KIF1B: variants seen among roughly 807,000 people sequenced by gnomAD.
The protein encoded by KIF1B is kinesin-like protein KIF1B.
KIF1B carries 76 observed loss-of-function variants against 241.9 expected under a neutral mutation model. That is an observed-to-expected ratio of 0.31 (90% CI 0.26 to 0.38). The LOEUF is 0.38. KIF1B is among the 10% of genes least tolerant of loss of function. The pLI is 1.00. For missense variants in KIF1B, 1,622 were observed against 2,271.4 expected (o/e 0.71, Z 5.81); for synonymous variants, 750 against 796.7 (o/e 0.94, Z 0.99).
Position 10,377,903 on chromosome 1 carries a change from T to C in KIF1B, c.*1316T>C. On this transcript the variant is annotated 3_prime_UTR_variant, in exon 49 of 49. Transcript: ENST00000676179. ...GTGAGCCAAGATCGCGCTATTGCAC[T>C]CCAGCCTGGGTGACAGAGCAAGACT... The C allele has an allele frequency of 5.1e-6, 1 of 197,628 alleles. No individual in the cohort carries two copies. Among genetic ancestry groups the C allele is most frequent in the South Asian group, 1.5e-4 (1 of 6,458 alleles). The allele number at this position is 197,628 out of a possible 1,614,324, so 12.2% of individuals were successfully genotyped here.
At chr1:10,260,755 T>C (rs148684521) in intron 4 of KIF1B, among the ~76,000 whole-genome samples, 2,917 of 151,428 alleles carry the variant, frequency 0.019, 83 homozygotes, top group African/African-American at 0.065. Context: ...TAATCCCAGC[T>C]ACTTGGGAGG....
chr1:10,371,072 TCC>T (rs1376566547), intron 44 of KIF1B, 67 bp from the exon 45 acceptor site: 12 of 1,598,408 alleles, frequency 7.5e-6, no homozygotes, highest in Non-Finnish European at 1.0e-5. Flanking sequence ...TTGTTGAAAC[TCC>T]CTATTGTTAC....
chr1:10,320,005 T>G, intron 22 of KIF1B, 38 bp from the exon 23 acceptor site: 1 of 1,362,902 alleles, frequency 7.3e-7, no homozygotes, highest in Non-Finnish European at 1.0e-6. Context: ...TCTTATTTCT[T>G]CCCTCTCCTA....
chr1:10,308,489 C>T, intron 22 of KIF1B: 1 of 1,034,186 alleles, frequency 9.7e-7, no homozygotes, highest in Non-Finnish European at 1.2e-6. Flanking sequence ...CAAAAAAATG[C>T]TTGAAGATTG....
chr1:10,250,088 G>T (rs1014631170), intron 2 of KIF1B, among the ~76,000 whole-genome samples: 1 of 152,098 alleles, frequency 6.6e-6, no homozygotes, highest in Non-Finnish European at 1.5e-5. Context: ...TGAGATTACA[G>T]GCATGAGCCA....
chr1:10,265,234 TTATTTATTTATTTA>T (rs1648389807), intron 5 of KIF1B, among the ~76,000 whole-genome samples: 1 of 148,694 alleles, frequency 6.7e-6, no homozygotes, highest in Admixed American at 6.7e-5. Flanking sequence ...ATTTATTTAT[TTATTTATTTATTTA>T]TTTTTAGAGA....
At chr1:10,240,742 T>TTTTG (rs1647125304) in intron 2 of KIF1B, among the ~76,000 whole-genome samples, 1 of 138,166 alleles carries the variant, frequency 7.2e-6, no homozygotes, top group Non-Finnish European at 1.6e-5. Context: ...TTTTTTTTTT[T>TTTTG]GGTAGAGACA....
intron 22 of KIF1B, among the ~76,000 whole-genome samples, chr1:10,300,002 C>T (rs765978384): frequency 3.3e-5 from 5 of 151,928 alleles, no homozygotes; most frequent in African/African-American, 4.8e-5. Context: ...TTTGGGAGGC[C>T]AGGGCTGGCA....
At chr1:10,350,341 C>T (rs923299988) in intron 37 of KIF1B, among the ~76,000 whole-genome samples, 3 of 151,772 alleles carry the variant, frequency 2.0e-5, no homozygotes, top group Admixed American at 6.6e-5. Flanking sequence ...GGGCGGATCA[C>T]GAGGTCAGGA....
rs1023241993 is a variant in KIF1B, at chr1:10,360,477, G to C, written c.4056-452G>C. Among the ~76,000 whole-genome samples, 5 of 152,204 alleles carry C rather than the reference G, an allele frequency of 3.3e-5. 1 individual carries two copies. The highest frequency in any genetic ancestry group is 3.3e-4 in the Admixed American group (5 of 15,288). On this transcript the variant is annotated intron_variant, in intron 38 of 48. Transcript: ENST00000676179. The stretch of plus-strand genomic sequence containing the variant: ...AGGTGGGCAGATCATCTGAGGTCAG[G>C]AGTTCGAGACCAGCCTGACCAACAT...
chr1:10,308,051 T>C, intron 22 of KIF1B: 1 of 1,060,016 alleles, frequency 9.4e-7, no homozygotes. Flanking sequence ...ACTGAATTTT[T>C]CACACCTATG....
intron 1 of KIF1B, among the ~76,000 whole-genome samples, chr1:10,222,477 T>G (rs1265853838): frequency 2.0e-5 from 3 of 152,226 alleles, no homozygotes; most frequent in Non-Finnish European, 4.4e-5. Flanking sequence ...ACTGATCATT[T>G]TTTTAGGAAT....
At position 10,342,098 on chromosome 1, in the gene KIF1B, C is replaced by G. The variant is rs1652418588; in HGVS notation, c.3562C>G (p.Pro1188Ala). The change falls in exon 33 of 49, where the codon CCT (proline) becomes GCT (alanine). Residue 1188 changes from proline to alanine, a missense_variant. Pro to Ala is a conservative substitution (Grantham distance 27, BLOSUM62 -1). This residue lies in a region of KIF1B where 803 missense variants were observed against 1,112.0 expected (regional missense o/e 0.72). Transcript: ENST00000676179. ...ATTTGTGGATTACATCAAAACCAAG[C>G]CTATTGTATTTGAAGTCTTTGGGCA... ...ESFVDYIKTK[P>A]IVFEVFGHYQ... is the part of the protein sequence containing the mutation. The G allele has an allele frequency of 6.2e-7, 1 of 1,613,474 alleles. No individual in the cohort carries two copies. The highest frequency in any genetic ancestry group is 1.7e-5 in the Admixed American group (1 of 59,998).
At position 10,337,401 on chromosome 1, in the gene KIF1B, A is replaced by G. The variant is rs1436620851; in HGVS notation, c.3290A>G (p.Lys1097Arg). 3 of 1,614,218 alleles carry G rather than the reference A, an allele frequency of 1.9e-6. No homozygotes were observed. Among genetic ancestry groups the G allele is most frequent in the African/African-American group, 2.7e-5 (2 of 75,052 alleles). ...DLKSSTLLDG[K>R]MVMEGFSEEI... ...AAGTCAAGCACTTTGCTGGATGGTAAGATGGTAATGGAAGGGTTTTCTGAA... is the reference window on the plus strand; with the variant it reads ...AAGTCAAGCACTTTGCTGGATGGTAGGATGGTAATGGAAGGGTTTTCTGAA... Residue 1097 changes from lysine to arginine, a missense_variant, in exon 31 of 49, where the codon AAG (lysine) becomes AGG (arginine). Physicochemically the swap from Lys to Arg is conservative, Grantham distance 26. Around this residue, in one of 7 missense-constraint regions of KIF1B, gnomAD observed 803 missense variants for 1,112.0 expected, o/e 0.72. Transcript: ENST00000676179. This position sits in a 1 kb window ranked among gnomAD's most constrained non-coding sequence, Gnocchi z 4.0.
intron 47 of KIF1B, 73 bp downstream of exon 47, chr1:10,375,119 C>T (rs922276757): frequency 1.3e-5 from 20 of 1,539,754 alleles, no homozygotes; most frequent in South Asian, 1.0e-4. Flanking sequence ...CTCTCTGTTA[C>T]GTGGTGTGAA....
intron 1 of KIF1B, among the ~76,000 whole-genome samples, chr1:10,220,462 G>T (rs1646830154): frequency 6.6e-6 from 1 of 151,792 alleles, no homozygotes; most frequent in Admixed American, 6.6e-5. Flanking sequence ...GTTTTCAACA[G>T]CTTCTTTAAG....
intron 41 of KIF1B, among the ~76,000 whole-genome samples, chr1:10,364,183 AT>A (rs1638501572): frequency 8.8e-6 from 1 of 113,490 alleles, no homozygotes; most frequent in Admixed American, 8.4e-5. Flanking sequence ...AAAAATTTTT[AT>A]TTTTAGGGAC....
chr1:10,304,166 A>C (rs1569776413), intron 22 of KIF1B: 2 of 1,614,202 alleles, frequency 1.2e-6, no homozygotes, highest in Non-Finnish European at 1.7e-6. Context: ...CCAAAAGACG[A>C]TGAAGCAAGG....
At chr1:10,375,104 C>T (rs1191097119) in intron 47 of KIF1B, 58 bp downstream of exon 47, 28 of 1,572,134 alleles carry the variant, frequency 1.8e-5, no homozygotes, top group Non-Finnish European at 2.2e-5. Flanking sequence ...CTTTTGATTT[C>T]TGCACTCTCT....
Sources: gnomAD v4.1 joint callset for allele counts (sites outside exome capture counted in the v4.1 genomes callset) on GRCh38, gnomAD v4.1.1 for gene constraint, gnomAD v4.1.1 regional missense constraint, Gnocchi (gnomAD v3.1) non-coding constraint, MANE v1.5 for transcripts, NCBI Gene and HGNC (gene_info 2026-07-23, HGNC 2026-07-21) for gene names.